The following OLR1 variants were observed in gnomAD, a reference collection of about 807,000 sequenced individuals.
OLR1 encodes the protein oxidized low density lipoprotein receptor 1, also known as oxidized low-density lipoprotein receptor 1.
In OLR1, 23 loss-of-function variants were observed where a neutral mutation model predicts 31.7. That is an observed-to-expected ratio of 0.72 (90% CI 0.52 to 1.03). OLR1 has a LOEUF of 1.03. Ranked by LOEUF, OLR1 falls within the 50% of genes least tolerant of loss-of-function variation. The pLI is 0.00. For missense variants in OLR1, 286 were observed against 315.7 expected, an observed-to-expected ratio of 0.91 and a Z score of 0.71; for synonymous variants, 117 against 115.8, an observed-to-expected ratio of 1.01 and a Z score of -0.07.
chr12:10,163,918 G>A lies in OLR1; in HGVS notation c.424+2794C>T, dbSNP rs376912532. 2.6e-4 allele frequency among the ~76,000 whole-genome samples: 40 copies of A among 151,378 alleles called. No homozygotes were observed. In the South Asian group the frequency reaches 7.3e-3, roughly 28 times the overall value. On this transcript the variant is annotated intron_variant, in intron 3 of 5. Transcript: ENST00000309539. ...TGCACTCTAGCCTGGGTGACAGAGC[G>A]AGACTCCGTCTCAAAAAAAAAAAAA...
chr12:10,172,004 T>C lies in OLR1; in HGVS notation c.74A>G (p.Lys25Arg), dbSNP rs1948725139. ...PDEKSNGKKA[K>R]GLQFLYSPWW... ...ACACATTTTCCCATCCCTAGTACCTTTAGCTTTTTTTCCATTTGACTTCTC... is the reference window on the plus strand; with the variant it reads ...ACACATTTTCCCATCCCTAGTACCTCTAGCTTTTTTTCCATTTGACTTCTC... Residue 25 changes from lysine to arginine, a missense_variant and splice_region_variant, in exon 1 of 6, where the codon AAA (lysine) becomes AGA (arginine). Coordinates refer to ENST00000309539, the MANE Select transcript of OLR1 (RefSeq NM_002543.4). The C allele has an allele frequency of 6.2e-7, 1 of 1,612,068 alleles. No individual in the cohort carries two copies. The highest frequency in any genetic ancestry group is 1.3e-5 in the African/African-American group (1 of 74,878).
Position 10,159,614 on chromosome 12 carries a change from A to G in OLR1, c.*266T>C. ...GGTTTTCAAGCTTGAAGAGGAGTCA[A>G]ATTTTAAAATAAAAAGGGGAAAATG... On this transcript the variant is annotated 3_prime_UTR_variant, in exon 6 of 6. Coordinates refer to ENST00000309539, the MANE Select transcript of OLR1 (RefSeq NM_002543.4). 1 of 296,654 alleles carries G rather than the reference A, an allele frequency of 3.4e-6. No homozygotes were observed. The highest frequency in any genetic ancestry group is 6.5e-6 in the Non-Finnish European group (1 of 153,314). 18.4% of individuals were successfully genotyped at this position (296,654 alleles called of 1,614,324 possible). A position where few individuals can be genotyped will look rare whatever the true frequency, so the allele number is the denominator to read the frequency against.
intron 2 of OLR1, among the ~76,000 whole-genome samples, chr12:10,168,050 GT>G (rs1452851257): frequency 6.6e-6 from 1 of 152,164 alleles, no homozygotes; most frequent in Non-Finnish European, 1.5e-5. Context: ...AAATAAAATA[GT>G]TTGTGAGCTT....
chr12:10,165,274 A>T (rs1436210518), intron 3 of OLR1, among the ~76,000 whole-genome samples: 1 of 151,496 alleles, frequency 6.6e-6, no homozygotes, highest in Non-Finnish European at 1.5e-5. Flanking sequence ...AAAAAAAAAA[A>T]AGAAAATTGG....
intron 1 of OLR1, among the ~76,000 whole-genome samples, chr12:10,171,081 A>G (rs999802948): frequency 2.0e-4 from 31 of 152,220 alleles, no homozygotes; most frequent in African/African-American, 7.0e-4. Flanking sequence ...TAAAGAAACG[A>G]ATGACTATTG....
chr12:10,165,379 G>A (rs376491497), intron 3 of OLR1, among the ~76,000 whole-genome samples: 39 of 152,240 alleles, frequency 2.6e-4, no homozygotes, highest in South Asian at 1.0e-3. Context: ...GCAGTGAGCC[G>A]AGATCAGGCC....
chr12:10,173,520 C>T (rs35611297), upstream of OLR1, among the ~76,000 whole-genome samples: 912 of 147,516 alleles, frequency 6.2e-3, 7 homozygotes, highest in African/African-American at 0.022. Flanking sequence ...TGGCTCATGC[C>T]TGTAATCTCA....
chr12:10,167,062 T>G (rs149259366), intron 2 of OLR1, 105 bp from the exon 3 acceptor site: 1 of 1,127,558 alleles, frequency 8.9e-7, no homozygotes, highest in East Asian at 2.4e-5. Context: ...TGACAATAGA[T>G]AAGCTGCTGA....
rs1408563065 is a variant in OLR1, at chr12:10,160,458, A to G, written c.569T>C (p.Phe190Ser). ...LKINSTADLD[F>S]IQQAISYSSF... ...GGAATAGGAAATTGCTTGCTGGATG[A>G]AGTCCTGTGGGGAGTAATGTTTCTG... is the stretch of plus-strand genomic sequence containing the variant. The change falls in exon 5 of 6, where the codon TTC becomes TCC. Residue 190 changes from phenylalanine (F) to serine (S), a missense_variant. Coordinates refer to ENST00000309539, the MANE Select transcript of OLR1 (RefSeq NM_002543.4). The G allele has an allele frequency of 1.2e-6, 2 of 1,610,418 alleles. No homozygotes were observed. Among genetic ancestry groups the G allele is most frequent in the Admixed American group, 3.3e-5 (2 of 59,736 alleles).
Position 10,172,128 on chromosome 12 carries a change from A to C in OLR1, c.-51T>G, listed in dbSNP as rs1948727570. On this transcript the variant is annotated 5_prime_UTR_variant, in exon 1 of 6. Coordinates refer to ENST00000309539, the MANE Select transcript of OLR1 (RefSeq NM_002543.4). ...GAGTGAAGCAGTCACGAACTTCAACAAACTAAAAATATGTGAGCTTCTGCA... is the reference window on the plus strand; with the variant it reads ...GAGTGAAGCAGTCACGAACTTCAACCAACTAAAAATATGTGAGCTTCTGCA... 7.6e-7 allele frequency: 1 copy of C among 1,317,726 alleles called. No homozygotes were observed. Among genetic ancestry groups the C allele is most frequent in the African/African-American group, 1.4e-5 (1 of 69,044 alleles). The allele number at this position is 1,317,726 out of a possible 1,614,324, so 81.6% of individuals were successfully genotyped here.
chr12:10,166,573 T>C, intron 3 of OLR1, 139 bp downstream of exon 3: 3 of 841,952 alleles, frequency 3.6e-6, no homozygotes, highest in Non-Finnish European at 3.8e-6. Flanking sequence ...AATTGAGAAC[T>C]TCTTGTATAG....
At chr12:10,175,799 G>A (rs978013629), upstream of OLR1, among the ~76,000 whole-genome samples, 2 of 152,210 alleles carry the variant, frequency 1.3e-5, no homozygotes, top group Admixed American at 1.3e-4. Flanking sequence ...ATAGTTTGAG[G>A]TTGATGCCTC....
At chr12:10,174,186 G>A (rs1464199996), upstream of OLR1, among the ~76,000 whole-genome samples, 1 of 152,048 alleles carries the variant, frequency 6.6e-6, no homozygotes, top group Non-Finnish European at 1.5e-5. Context: ...TCAGCCTCCT[G>A]AGTAGCTGGG....
intron 3 of OLR1, among the ~76,000 whole-genome samples, chr12:10,162,823 G>C (rs543291392): frequency 6.6e-6 from 1 of 152,240 alleles, no homozygotes; most frequent in African/African-American, 2.4e-5. Flanking sequence ...GGAAGACTCT[G>C]TCTCAAAAAA....
chr12:10,162,629 A>G (rs1488915384), intron 3 of OLR1, among the ~76,000 whole-genome samples: 1 of 152,150 alleles, frequency 6.6e-6, no homozygotes. Context: ...GGAGTTCCAG[A>G]CCAGCCTGTG....
intron 3 of OLR1, among the ~76,000 whole-genome samples, chr12:10,161,623 G>A (rs988956119): frequency 2.0e-5 from 3 of 151,954 alleles, no homozygotes; most frequent in Non-Finnish European, 2.9e-5. Context: ...GTCCAGGCTG[G>A]TCTTGAACTC....
At chr12:10,167,091 T>C in intron 2 of OLR1, 134 bp from the exon 3 acceptor site, 1 of 811,286 alleles carries the variant, frequency 1.2e-6, no homozygotes, top group Non-Finnish European at 1.9e-6. Flanking sequence ...CCAGATTTAC[T>C]CAGAAGTTAC....
chr12:10,160,225 C>T (rs1948608548), intron 5 of OLR1, 122 bp downstream of exon 5: 1 of 930,178 alleles, frequency 1.1e-6, no homozygotes, highest in African/African-American at 1.7e-5. Flanking sequence ...TTGAGAAATT[C>T]CCCCAAGCTT....
At chr12:10,162,334 T>C (rs1209380931) in intron 3 of OLR1, among the ~76,000 whole-genome samples, 1 of 151,976 alleles carries the variant, frequency 6.6e-6, no homozygotes, top group African/African-American at 2.4e-5. Flanking sequence ...TGTATAAGAG[T>C]AGGCTTTATC....
Sources: gnomAD v4.1 joint callset for allele counts (sites outside exome capture counted in the v4.1 genomes callset) on GRCh38, gnomAD v4.1.1 for gene constraint, MANE v1.5 for transcripts, NCBI Gene and HGNC (gene_info 2026-07-23, HGNC 2026-07-21) for gene names.